Variants in PLEKHA7 observed in about 807,000 individuals in gnomAD.
PLEKHA7 encodes the protein pleckstrin homology domain containing A7.
A neutral mutation model predicts 170.0 loss-of-function variants in PLEKHA7; 104 were observed. The ratio of observed to expected loss-of-function variants is 0.61; its 90% confidence interval spans 0.52 to 0.72. The LOEUF is 0.72. PLEKHA7 is among the 30% of genes least tolerant of loss of function. The pLI, the probability that PLEKHA7 is intolerant of heterozygous loss-of-function variation, is 0.00. For synonymous variants in PLEKHA7, 648 were observed against 660.8 expected (o/e 0.98, Z 0.30); for missense variants, 1,615 against 1,671.7 (o/e 0.97, Z 0.59).
intron 3 of PLEKHA7, among the ~76,000 whole-genome samples, chr11:16,881,021 T>C (rs866503600): frequency 6.6e-6 from 1 of 152,212 alleles, no homozygotes; most frequent in Middle Eastern, 3.4e-3. Context: ...CTCCCCAACC[T>C]CACTTGCCAA....
intron 3 of PLEKHA7, among the ~76,000 whole-genome samples, chr11:16,893,927 C>T (rs975885967): frequency 1.3e-5 from 2 of 152,212 alleles, no homozygotes; most frequent in Admixed American, 6.5e-5. Flanking sequence ...GTAAAGCAGC[C>T]TCTTGCAGAT....
intron 3 of PLEKHA7, among the ~76,000 whole-genome samples, chr11:16,883,210 G>T (rs1228853762): frequency 1.3e-5 from 2 of 152,110 alleles, no homozygotes; most frequent in African/African-American, 4.8e-5. Context: ...AACCACATCG[G>T]GCACCAGCAG....
chr11:16,850,978 G>C (rs982884922), intron 8 of PLEKHA7, among the ~76,000 whole-genome samples: 1 of 152,160 alleles, frequency 6.6e-6, no homozygotes, highest in East Asian at 1.9e-4. Context: ...CTGAATACTT[G>C]AACATGGCTG....
intron 3 of PLEKHA7, among the ~76,000 whole-genome samples, chr11:16,994,060 C>A (rs1864198803): frequency 6.6e-6 from 1 of 152,238 alleles, no homozygotes. Context: ...ACGATACACA[C>A]ATCAGTTTTA....
At chr11:16,779,948 T>C (rs188976613) in intron 26 of PLEKHA7, among the ~76,000 whole-genome samples, 1 of 141,028 alleles carries the variant, frequency 7.1e-6, no homozygotes, top group East Asian at 2.3e-4. Context: ...TCAAGGCCTC[T>C]GAGCTTTTGT....
rs945449145 is a variant in PLEKHA7 at position 16,779,038 on chromosome 11, A to G, written c.3794-18T>C. On this transcript the variant is annotated intron_variant, in intron 26 of 26. Transcript: ENST00000531066. Reference sequence around the variant, plus strand: ...TGCCTGGGCTGGCAAAAAGCACAGGAGACAGTGAGAGGCTGGCATCCAGGG... The same window carrying G: ...TGCCTGGGCTGGCAAAAAGCACAGGGGACAGTGAGAGGCTGGCATCCAGGG... 1.4e-6 allele frequency: 1 copy of G among 702,474 alleles called. No homozygotes were observed. Among genetic ancestry groups the G allele is most frequent in the Non-Finnish European group, 2.6e-6 (1 of 384,922 alleles). 43.5% of individuals were successfully genotyped at this position (702,474 alleles called of 1,614,324 possible).
In PLEKHA7 at chr11:16,899,379, C is replaced by T. The variant is rs1471377394; in HGVS notation, c.222-28197G>A. Among the ~76,000 whole-genome samples, 4 of 152,172 alleles carry T rather than the reference C, an allele frequency of 2.6e-5. No individual in the cohort carries two copies. In the East Asian group the frequency reaches 7.7e-4, roughly 29 times the overall value. On this transcript the variant is annotated intron_variant, in intron 3 of 26. Transcript: ENST00000531066. ...GGGCGTGGTGGCACATGCTTGTAAT[C>T]CCAGCTACTAGGGAGGCTGAGGAAG...
chr11:17,011,975 A>G (rs903618328), intron 3 of PLEKHA7, among the ~76,000 whole-genome samples: 1 of 151,982 alleles, frequency 6.6e-6, no homozygotes, highest in Non-Finnish European at 1.5e-5. Context: ...TATTCAGTCC[A>G]TCATGAAGGT....
At chr11:16,953,665 A>G (rs1312523210) in intron 3 of PLEKHA7, among the ~76,000 whole-genome samples, 1 of 152,206 alleles carries the variant, frequency 6.6e-6, no homozygotes, top group Admixed American at 6.5e-5. Context: ...TTAATTCTTA[A>G]TATTTGAATA....
chr11:16,974,412 C>T (rs551639159), intron 3 of PLEKHA7, among the ~76,000 whole-genome samples: 1 of 151,502 alleles, frequency 6.6e-6, no homozygotes, highest in African/African-American at 2.4e-5. Context: ...ATGATCTTGA[C>T]AGACTGCGCA....
At chr11:16,795,281 C>T in intron 17 of PLEKHA7, 1 of 464,018 alleles carries the variant, frequency 2.2e-6, no homozygotes, top group South Asian at 2.5e-5. Flanking sequence ...CTGCCGTAAA[C>T]ACTGTGCCAT....
intron 9 of PLEKHA7, among the ~76,000 whole-genome samples, chr11:16,839,811 C>T (rs1405567989): frequency 6.6e-6 from 1 of 151,968 alleles, no homozygotes; most frequent in Non-Finnish European, 1.5e-5. Context: ...CACCAGTCCT[C>T]CATGGATACC....
intron 10 of PLEKHA7, among the ~76,000 whole-genome samples, chr11:16,825,849 T>C (rs915314254): frequency 6.6e-6 from 1 of 152,236 alleles, no homozygotes; most frequent in Admixed American, 6.5e-5. Context: ...TGTAATCGCA[T>C]GGAGGCCTTG....
At chr11:16,963,679 G>A (rs958476405) in intron 3 of PLEKHA7, among the ~76,000 whole-genome samples, 22 of 152,146 alleles carry the variant, frequency 1.4e-4, no homozygotes, top group Admixed American at 6.5e-5. Flanking sequence ...CAGCCAGTCA[G>A]AATGACCAGG....
intron 10 of PLEKHA7, among the ~76,000 whole-genome samples, chr11:16,822,512 A>G (rs1486768588): frequency 1.3e-5 from 2 of 149,776 alleles, no homozygotes; most frequent in African/African-American, 4.9e-5. Flanking sequence ...GAAAAAAAAA[A>G]AAAAAAAAAA....
In PLEKHA7 at chr11:16,832,874, A is replaced by T. The variant is rs187158444; in HGVS notation, c.873-6284T>A. 1.5e-3 allele frequency among the ~76,000 whole-genome samples: 228 copies of T among 152,296 alleles called. 1 individual carries two copies. The highest frequency in any genetic ancestry group is 2.4e-3 in the Non-Finnish European group (164 of 68,026). ...ATGGGAAACCAGCTCAGCCTGTGTT[A>T]ACAGATCCTGGGTCCTGAGCACTGA... On this transcript the variant is annotated intron_variant, in intron 9 of 26. Transcript: ENST00000531066.
chr11:16,982,598 G>A (rs552264974), intron 3 of PLEKHA7, among the ~76,000 whole-genome samples: 21 of 152,270 alleles, frequency 1.4e-4, no homozygotes, highest in Admixed American at 1.2e-3. Context: ...TCAGCTCTAG[G>A]CCAATGTGAA....
chr11:16,937,509 T>C (rs911420561), intron 3 of PLEKHA7, among the ~76,000 whole-genome samples: 4 of 151,994 alleles, frequency 2.6e-5, no homozygotes, highest in Non-Finnish European at 5.9e-5. Flanking sequence ...GAGGAGTGAA[T>C]AAGACAAAGA....
chr11:16,841,418 A>G, intron 9 of PLEKHA7, 129 bp downstream of exon 9: 1 of 1,044,376 alleles, frequency 9.6e-7, no homozygotes, highest in Non-Finnish European at 1.4e-6. Flanking sequence ...TTAATGAAGA[A>G]AGTTTATAAA....
Sources: allele counts gnomAD v4.1 joint callset (sites outside exome capture counted in the v4.1 genomes callset), GRCh38; gene constraint gnomAD v4.1.1; transcripts MANE v1.5; gene names NCBI Gene and HGNC (gene_info 2026-07-23, HGNC 2026-07-21).